CDH8: variants seen among roughly 807,000 people sequenced by gnomAD.
The protein encoded by CDH8 is cadherin 8.
CDH8 carries 17 observed loss-of-function variants against 68.1 expected under a neutral mutation model. That is an observed-to-expected ratio of 0.25 (90% CI 0.17 to 0.37). The LOEUF is 0.37. Ranked by LOEUF, CDH8 falls within the 10% of genes least tolerant of loss-of-function variation. The probability of loss-of-function intolerance (pLI) is 1.00; values close to 1 mark genes in which losing one functional copy is unlikely to be tolerated. For missense variants in CDH8, 763 were observed against 999.3 expected (o/e 0.76, Z 3.19); for synonymous variants, 372 against 365.1 (o/e 1.02, Z -0.21).
rs1902072986 is a variant in CDH8, at chr16:62,021,428, C to T, written c.-25G>A. ...TGGTCCCACCAGTTAAGCAAATCAC[C>T]ACGAAAATGAGACAATTATTTTTTT... On this transcript the variant is annotated 5_prime_UTR_variant, in exon 2 of 12. Coordinates refer to ENST00000577390, the MANE Select transcript of CDH8 (RefSeq NM_001796.5). 1 of 1,577,142 alleles carries T rather than the reference C, an allele frequency of 6.3e-7. No individual in the cohort carries two copies. Among genetic ancestry groups the T allele is most frequent in the Middle Eastern group, 1.7e-4 (1 of 5,840 alleles).
intron 8 of CDH8, among the ~76,000 whole-genome samples, chr16:61,752,360 T>C (rs1228925398): frequency 6.6e-6 from 1 of 152,192 alleles, no homozygotes; most frequent in African/African-American, 2.4e-5. Flanking sequence ...TTACATTCAG[T>C]AATAGACTTG....
intron 8 of CDH8, among the ~76,000 whole-genome samples, chr16:61,766,060 G>A (rs1194379040): frequency 6.6e-6 from 1 of 151,850 alleles, no homozygotes; most frequent in Non-Finnish European, 1.5e-5. Flanking sequence ...GTGGAGTGGT[G>A]AAGTCTAAGA....
rs28710907 is a variant in CDH8, at chr16:61,704,231, A to T, written c.1654+9610T>A. Among the ~76,000 whole-genome samples the T allele has an allele frequency of 6.0e-3, 912 of 152,342 alleles. 10 individuals are homozygous for T. The highest frequency in any genetic ancestry group is 0.021 in the African/African-American group (865 of 41,584). On this transcript the variant is annotated intron_variant, in intron 10 of 11. Transcript: ENST00000577390. ...TTTCTCATTTTGAAAGATCTCTCTGATAAACCAAAATGGCATCAAATAAAT... is the reference window on the plus strand; with the variant it reads ...TTTCTCATTTTGAAAGATCTCTCTGTTAAACCAAAATGGCATCAAATAAAT...
intron 8 of CDH8, among the ~76,000 whole-genome samples, chr16:61,753,318 C>A (rs1283458873): frequency 1.3e-5 from 2 of 151,588 alleles, no homozygotes; most frequent in Non-Finnish European, 2.9e-5. Flanking sequence ...CGGCTCACTG[C>A]AACCTCCACC....
intron 5 of CDH8, 67 bp downstream of exon 5, chr16:61,824,945 A>T (rs1262983473): frequency 2.2e-6 from 3 of 1,367,286 alleles, no homozygotes; most frequent in Non-Finnish European, 3.1e-6. Flanking sequence ...ATCACTAAAA[A>T]TTATAATATA....
chr16:61,671,767 G>A (rs1296854346), intron 10 of CDH8, among the ~76,000 whole-genome samples: 3 of 151,860 alleles, frequency 2.0e-5, no homozygotes, highest in Non-Finnish European at 4.4e-5. Flanking sequence ...GTACTGTTTT[G>A]ATCACACAAG....
intron 2 of CDH8, among the ~76,000 whole-genome samples, chr16:62,011,243 T>C (rs1901805516): frequency 6.6e-6 from 1 of 152,152 alleles, no homozygotes; most frequent in South Asian, 2.1e-4. Context: ...TGCTGCATTG[T>C]GGTAAATGCA....
intron 8 of CDH8, among the ~76,000 whole-genome samples, chr16:61,732,246 T>C (rs1434144300): frequency 1.3e-5 from 2 of 151,810 alleles, no homozygotes; most frequent in Non-Finnish European, 2.9e-5. Context: ...CACTAGCCTG[T>C]ATATCCTAAA....
intron 4 of CDH8, among the ~76,000 whole-genome samples, chr16:61,842,392 G>A (rs1962706664): frequency 1.3e-5 from 2 of 152,102 alleles, no homozygotes; most frequent in African/African-American, 4.8e-5. Context: ...GTTTGGCCCT[G>A]TTTTGTCTCT....
intron 7 of CDH8, among the ~76,000 whole-genome samples, chr16:61,811,482 T>C (rs1009304651): frequency 1.8e-4 from 27 of 152,230 alleles, no homozygotes; most frequent in African/African-American, 5.5e-4. Context: ...TTATGGAAAA[T>C]AGTATGGAGG....
At chr16:61,781,817 C>T (rs1452007458) in intron 8 of CDH8, among the ~76,000 whole-genome samples, 3 of 152,276 alleles carry the variant, frequency 2.0e-5, no homozygotes, top group Non-Finnish European at 1.5e-5. Flanking sequence ...TTACATCTTT[C>T]TAAATGAGGT....
At chr16:61,738,179 C>T (rs1377953767) in intron 8 of CDH8, among the ~76,000 whole-genome samples, 2 of 152,100 alleles carry the variant, frequency 1.3e-5, no homozygotes, top group Non-Finnish European at 2.9e-5. Context: ...GAGAAAGTGA[C>T]TCTTAAACAG....
chr16:61,735,314 G>C (rs568154128), intron 8 of CDH8, among the ~76,000 whole-genome samples: 2 of 152,162 alleles, frequency 1.3e-5, no homozygotes, highest in African/African-American at 4.8e-5. Context: ...GGACATTCAT[G>C]ACTAACTAAA....
rs554066653 is a variant in CDH8, at chr16:61,840,071, A to C, written c.668-14892T>G. 1.1e-4 allele frequency among the ~76,000 whole-genome samples: 17 copies of C among 152,258 alleles called. No individual in the cohort carries two copies. The East Asian group carries it at 3.1e-3, about 28-fold the overall frequency. On this transcript the variant is annotated intron_variant, in intron 4 of 11. Transcript: ENST00000577390. ...CTCCAATCTTCCCACACTAAAATAC[A>C]TGACTAATGCCTTGTTTACTCCCCT...
intron 2 of CDH8, among the ~76,000 whole-genome samples, chr16:61,926,717 C>A (rs575911399): frequency 1.3e-5 from 2 of 152,250 alleles, no homozygotes; most frequent in East Asian, 1.9e-4. Flanking sequence ...TCCATTATTT[C>A]TTTTGTGAGT....
intron 3 of CDH8, among the ~76,000 whole-genome samples, chr16:61,898,618 C>T (rs1461921641): frequency 6.6e-6 from 1 of 152,130 alleles, no homozygotes; most frequent in African/African-American, 2.4e-5. Context: ...ATCAAGCACA[C>T]TATTTGGAAA....
intron 10 of CDH8, among the ~76,000 whole-genome samples, chr16:61,700,274 A>G (rs1264822697): frequency 6.8e-6 from 1 of 147,250 alleles, no homozygotes; most frequent in Non-Finnish European, 1.5e-5. Context: ...ATCTATTTTT[A>G]GTTGTTTTTT....
chr16:61,668,441 T>C (rs764382677), intron 10 of CDH8, among the ~76,000 whole-genome samples: 2 of 152,000 alleles, frequency 1.3e-5, no homozygotes, highest in African/African-American at 2.4e-5. Flanking sequence ...ACCTCAGGCA[T>C]TGGGGAATGA....
At chr16:61,771,740 A>G (rs1960784549) in intron 8 of CDH8, among the ~76,000 whole-genome samples, 2 of 151,934 alleles carry the variant, frequency 1.3e-5, no homozygotes, top group Admixed American at 6.6e-5. Flanking sequence ...CTGTACATCA[A>G]CTCAAGTGAG....
Sources: gnomAD v4.1 joint callset for allele counts (sites outside exome capture counted in the v4.1 genomes callset) on GRCh38, gnomAD v4.1.1 for gene constraint, MANE v1.5 for transcripts, NCBI Gene and HGNC (gene_info 2026-07-23, HGNC 2026-07-21) for gene names.